ENTREP2: variants seen among roughly 807,000 people sequenced by gnomAD.
The protein encoded by ENTREP2 is endosomal transmembrane epsin interactor 2, also known as protein ENTREP2.
chr15:29,248,028 A>G, the ENTREP2 span, among the ~76,000 whole-genome samples: 1 of 152,232 alleles, frequency 6.6e-6, no homozygotes, highest in Non-Finnish European at 1.5e-5. Context: ...TGATGATTCA[A>G]TAGGCCCCAC....
At chr15:29,506,426 C>A in the ENTREP2 span, among the ~76,000 whole-genome samples, 1 of 152,006 alleles carries the variant, frequency 6.6e-6, no homozygotes, top group African/African-American at 2.4e-5. Flanking sequence ...AGATACTCCT[C>A]GAGAAGAGCA....
the ENTREP2 span, among the ~76,000 whole-genome samples, chr15:29,523,942 G>T: frequency 6.6e-6 from 1 of 152,050 alleles, no homozygotes; most frequent in East Asian, 1.9e-4. Context: ...CTTAGAAAAA[G>T]ATATAGATGT....
chr15:29,472,055 A>G, the ENTREP2 span, among the ~76,000 whole-genome samples: 1 of 152,174 alleles, frequency 6.6e-6, no homozygotes, highest in African/African-American at 2.4e-5. Context: ...GCAACAGGGC[A>G]GTGGGCCCCC....
chr15:29,558,419 C>T, the ENTREP2 span, among the ~76,000 whole-genome samples: 27 of 151,690 alleles, frequency 1.8e-4, no homozygotes, highest in Non-Finnish European at 3.1e-4. Context: ...GGCACAGGCC[C>T]GAAGCTGGCC....
the ENTREP2 span, among the ~76,000 whole-genome samples, chr15:29,588,051 G>C: frequency 6.6e-6 from 1 of 152,144 alleles, no homozygotes; most frequent in East Asian, 1.9e-4. Flanking sequence ...TTAGTTAAAA[G>C]ATACAGGCAC....
the ENTREP2 span, among the ~76,000 whole-genome samples, chr15:29,171,525 C>A: frequency 3.9e-5 from 6 of 152,182 alleles, no homozygotes; most frequent in South Asian, 1.2e-3. Context: ...CTCCCTCCTG[C>A]CCCCAGCAAG....
the ENTREP2 span, among the ~76,000 whole-genome samples, chr15:29,389,658 T>C: frequency 1.3e-5 from 2 of 152,182 alleles, no homozygotes; most frequent in Non-Finnish European, 1.5e-5. Context: ...GCCAAGCCCC[T>C]ACCTTGCCGT....
chr15:29,226,621 C>T, the ENTREP2 span, among the ~76,000 whole-genome samples: 1 of 152,194 alleles, frequency 6.6e-6, no homozygotes, highest in African/African-American at 2.4e-5. Flanking sequence ...TAATTTATTA[C>T]TCAGGATGAG....
At chr15:29,573,137 T>C in the ENTREP2 span, among the ~76,000 whole-genome samples, 3 of 152,152 alleles carry the variant, frequency 2.0e-5, no homozygotes, top group Non-Finnish European at 4.4e-5. Context: ...ATATGTGAAT[T>C]GATTTGTTTT....
chr15:29,390,804 C>A, the ENTREP2 span, among the ~76,000 whole-genome samples: 623 of 152,300 alleles, frequency 4.1e-3, 4 homozygotes, highest in African/African-American at 0.014. Context: ...CCAAAGGCAA[C>A]TGATAGTGAA....
the ENTREP2 span, among the ~76,000 whole-genome samples, chr15:29,187,638 A>ATC: frequency 1.3e-5 from 2 of 152,302 alleles, no homozygotes; most frequent in South Asian, 4.1e-4. Flanking sequence ...AGTGTCTCTT[A>ATC]TCTCTGTACA....
At chr15:29,648,263 T>C in the ENTREP2 span, among the ~76,000 whole-genome samples, 3 of 152,230 alleles carry the variant, frequency 2.0e-5, no homozygotes, top group Non-Finnish European at 4.4e-5. Context: ...TCTTCCTTGT[T>C]ATGTGCCTTA....
the ENTREP2 span, among the ~76,000 whole-genome samples, chr15:29,659,199 A>G: frequency 6.6e-6 from 1 of 152,178 alleles, no homozygotes; most frequent in Non-Finnish European, 1.5e-5. Flanking sequence ...GGCTGGGCAC[A>G]GTGGCTCATG....
At chr15:29,593,969 G>C in the ENTREP2 span, among the ~76,000 whole-genome samples, 10 of 152,132 alleles carry the variant, frequency 6.6e-5, no homozygotes, top group African/African-American at 2.4e-4. Flanking sequence ...CAATGTTAAT[G>C]TCTCAGTTTT....
chr15:29,139,917 T>G, the ENTREP2 span, among the ~76,000 whole-genome samples: 1 of 152,190 alleles, frequency 6.6e-6, no homozygotes, highest in African/African-American at 2.4e-5. Flanking sequence ...CTCTGCAGGC[T>G]GGGGCTGGAG....
chr15:29,658,118 C>T, the ENTREP2 span, among the ~76,000 whole-genome samples: 1 of 152,132 alleles, frequency 6.6e-6, no homozygotes, highest in Non-Finnish European at 1.5e-5. Flanking sequence ...TCCATAATCC[C>T]CACATGTCTT....
chr15:29,222,537 T>C, the ENTREP2 span, among the ~76,000 whole-genome samples: 1 of 152,190 alleles, frequency 6.6e-6, no homozygotes, highest in Non-Finnish European at 1.5e-5. Flanking sequence ...GGTAACACTG[T>C]CACCCTCCAA....
chr15:29,304,530 T>C, the ENTREP2 span, among the ~76,000 whole-genome samples: 2 of 152,208 alleles, frequency 1.3e-5, no homozygotes, highest in Non-Finnish European at 2.9e-5. Flanking sequence ...ACCATGACAC[T>C]GTTACAGCCA....
At chr15:29,281,376 C>T in the ENTREP2 span, among the ~76,000 whole-genome samples, 2 of 152,024 alleles carry the variant, frequency 1.3e-5, no homozygotes, top group Non-Finnish European at 2.9e-5. Flanking sequence ...GACATGTGAC[C>T]GAGCTCTGGC....
Sources: gnomAD v4.1 joint callset for allele counts (sites outside exome capture counted in the v4.1 genomes callset) on GRCh38, gnomAD v4.1.1 for gene constraint, MANE v1.5 for transcripts, NCBI Gene and HGNC (gene_info 2026-07-23, HGNC 2026-07-21) for gene names.